RNF11: variants seen among roughly 807,000 people sequenced by gnomAD.
The protein encoded by RNF11 is ring finger protein 11.
Under a neutral mutation model 15.8 loss-of-function variants are expected in RNF11, and 4 were observed. The ratio of observed to expected loss-of-function variants is 0.25; its 90% confidence interval spans 0.12 to 0.58. The LOEUF is 0.58. Among genes scored for constraint, RNF11 ranks in the 20% least tolerant of loss-of-function variants. RNF11 has a pLI of 0.91. For synonymous variants in RNF11, 68 were observed against 72.3 expected (o/e 0.94, Z 0.30); for missense variants, 139 against 194.4 (o/e 0.71, Z 1.70).
chr1:51,259,099 A>G lies in RNF11; in HGVS notation c.124-10857A>G, dbSNP rs562045733. Among the ~76,000 whole-genome samples the G allele has an allele frequency of 2.6e-5, 4 of 152,346 alleles. No homozygotes were observed. The East Asian group carries it at 7.7e-4, about 29-fold the overall frequency. On this transcript the variant is annotated intron_variant, in intron 1 of 2. Transcript: ENST00000242719. ...GATCCTAAGCCAGTGGTTCTCAACC[A>G]GGATGAATTTGCTCTCCAGGAAACG...
intron 1 of RNF11, among the ~76,000 whole-genome samples, chr1:51,256,496 G>A (rs534148412): frequency 6.6e-6 from 1 of 152,136 alleles, no homozygotes; most frequent in South Asian, 2.1e-4. Flanking sequence ...TCCACATTTC[G>A]ATAGTCATGA....
intron 1 of RNF11, among the ~76,000 whole-genome samples, chr1:51,255,289 C>T (rs1201642587): frequency 1.3e-5 from 2 of 152,150 alleles, no homozygotes; most frequent in Admixed American, 1.3e-4. Flanking sequence ...GTGACAGGGT[C>T]TCACACTGTT....
At chr1:51,264,190 G>A (rs72898428) in intron 1 of RNF11, among the ~76,000 whole-genome samples, 3,134 of 142,806 alleles carry the variant, frequency 0.022, 97 homozygotes, top group African/African-American at 0.069. Context: ...CCGGGGGGTC[G>A]TCAAGGCTGC....
chr1:51,268,459 G>A (rs1446338153), intron 1 of RNF11, among the ~76,000 whole-genome samples: 1 of 152,142 alleles, frequency 6.6e-6, no homozygotes, highest in Non-Finnish European at 1.5e-5. Flanking sequence ...CTTCTTTAAT[G>A]TTTATTAATG....
rs77208929 is a variant in RNF11 at position 51,266,234 on chromosome 1, A to G, written c.124-3722A>G. ...GTTTGAGAGGCATGTGGAAGGAAGT[A>G]TATTTGGTTTGGTTTTGGACCTATT... is the stretch of plus-strand genomic sequence containing the variant. On this transcript the variant is annotated intron_variant, in intron 1 of 2. Transcript: ENST00000242719. Among the ~76,000 whole-genome samples, 474 of 152,270 alleles carry G rather than the reference A, an allele frequency of 3.1e-3. 4 individuals are homozygous for G. The highest frequency in any genetic ancestry group is 5.5e-3 in the Non-Finnish European group (373 of 68,014).
intron 1 of RNF11, among the ~76,000 whole-genome samples, chr1:51,239,048 A>G (rs1569648413): frequency 6.6e-6 from 1 of 151,962 alleles, no homozygotes; most frequent in African/African-American, 2.4e-5. Context: ...TTATTTTAAA[A>G]TCTCTTATGC....
intron 1 of RNF11, among the ~76,000 whole-genome samples, chr1:51,245,011 G>C (rs1646845493): frequency 6.6e-6 from 1 of 152,210 alleles, no homozygotes; most frequent in Admixed American, 6.5e-5. Flanking sequence ...AACCTTTGTT[G>C]CAGAATTTTG....
intron 1 of RNF11, among the ~76,000 whole-genome samples, chr1:51,263,924 A>T (rs954873363): frequency 6.6e-6 from 1 of 152,010 alleles, no homozygotes; most frequent in African/African-American, 2.4e-5. Flanking sequence ...GAAGCCTTTC[A>T]CCTTATCGTG....
intron 1 of RNF11, among the ~76,000 whole-genome samples, chr1:51,262,635 C>T (rs920359550): frequency 6.6e-6 from 1 of 151,918 alleles, no homozygotes. Context: ...GCAATGCCAC[C>T]TCCCAGGTTC....
chr1:51,251,449 C>T (rs537297600), intron 1 of RNF11: 90 of 749,776 alleles, frequency 1.2e-4, no homozygotes, highest in Non-Finnish European at 1.8e-4. Flanking sequence ...GGCCCCCCCC[C>T]GCTGCACTGG....
chr1:51,257,543 C>T (rs1646909333), intron 1 of RNF11, among the ~76,000 whole-genome samples: 1 of 152,096 alleles, frequency 6.6e-6, no homozygotes, highest in African/African-American at 2.4e-5. Flanking sequence ...CAACCTCTGC[C>T]CCCTCCGATT....
chr1:51,251,033 G>A (rs1022067670), intron 1 of RNF11: 29 of 1,500,756 alleles, frequency 1.9e-5, no homozygotes, highest in East Asian at 1.6e-4. Context: ...CATGGATGGC[G>A]GTGGCCACCT....
At chr1:51,267,244 A>G (rs190528200) in intron 1 of RNF11, among the ~76,000 whole-genome samples, 13 of 152,332 alleles carry the variant, frequency 8.5e-5, no homozygotes, top group Admixed American at 7.8e-4. Flanking sequence ...TAGGCTAATC[A>G]AAATATTTAT....
chr1:51,258,999 A>G (rs1186885998), intron 1 of RNF11, among the ~76,000 whole-genome samples: 2 of 152,226 alleles, frequency 1.3e-5, no homozygotes, highest in Non-Finnish European at 2.9e-5. Flanking sequence ...CAGAAAAAGG[A>G]CATGTATCCC....
intron 1 of RNF11, among the ~76,000 whole-genome samples, chr1:51,256,683 T>C (rs1163738191): frequency 2.0e-5 from 3 of 152,164 alleles, no homozygotes; most frequent in African/African-American, 2.4e-5. Flanking sequence ...GTTGTTGTTA[T>C]TGTTTTTTGA....
rs1169883545 is a variant in RNF11 at position 51,271,493 on chromosome 1, C to T, written c.*171C>T. 5.5e-6 allele frequency: 3 copies of T among 543,710 alleles called. No individual in the cohort carries two copies. Among genetic ancestry groups the T allele is most frequent in the South Asian group, 2.9e-5 (1 of 34,360 alleles). 33.7% of individuals were successfully genotyped at this position (543,710 alleles called of 1,614,324 possible). A position where few individuals can be genotyped will look rare whatever the true frequency, so the allele number is the denominator to read the frequency against. On this transcript the variant is annotated 3_prime_UTR_variant, in exon 3 of 3. Coordinates refer to ENST00000242719, the MANE Select transcript of RNF11 (RefSeq NM_014372.5). ...GAAAAAGTACGTGATATTTTAGAAA[C>T]TTAGTGGGAAAAGTAGGATGGTATT...
At chr1:51,240,251 T>A (rs1379834866) in intron 1 of RNF11, among the ~76,000 whole-genome samples, 1 of 152,212 alleles carries the variant, frequency 6.6e-6, no homozygotes, top group Non-Finnish European at 1.5e-5. Context: ...TTGGCTTCCC[T>A]CCAGCTTCCC....
rs1466584177 is a variant in RNF11 at position 51,236,738 on chromosome 1, C to G, written c.-19C>G. 1 of 1,610,278 alleles carries G rather than the reference C, an allele frequency of 6.2e-7. No individual in the cohort carries two copies. The highest frequency in any genetic ancestry group is 1.1e-5 in the South Asian group (1 of 90,686). On this transcript the variant is annotated 5_prime_UTR_variant, in exon 1 of 3. Transcript: ENST00000242719. Reference sequence around the variant, plus strand: ...CGCTGCTTTCTCCTCCCCCAGATCACGCACCCCAGCTCCGGAAGATGGGGA... The same window carrying G: ...CGCTGCTTTCTCCTCCCCCAGATCAGGCACCCCAGCTCCGGAAGATGGGGA...
chr1:51,269,926 A>T, intron 1 of RNF11, 30 bp from the exon 2 acceptor site: 1 of 1,584,046 alleles, frequency 6.3e-7, no homozygotes, highest in Non-Finnish European at 8.6e-7. Context: ...TTAAAAAATA[A>T]TCTTTTTCCT....
Sources: allele counts gnomAD v4.1 joint callset (sites outside exome capture counted in the v4.1 genomes callset), GRCh38; gene constraint gnomAD v4.1.1; transcripts MANE v1.5; gene names NCBI Gene and HGNC (gene_info 2026-07-23, HGNC 2026-07-21).